Variants in ARHGAP10 observed in about 807,000 individuals in gnomAD.
The protein encoded by ARHGAP10 is rho GTPase-activating protein 10.
A neutral mutation model predicts 108.6 loss-of-function variants in ARHGAP10; 87 were observed. That is an observed-to-expected ratio of 0.80 (90% confidence interval 0.67 to 0.96). ARHGAP10 has a LOEUF of 0.96. Ranked by LOEUF, ARHGAP10 falls within the 40% of genes least tolerant of loss-of-function variation. ARHGAP10 has a pLI of 0.00. For synonymous variants in ARHGAP10, 347 were observed against 341.1 expected (o/e 1.02, Z -0.19); for missense variants, 939 against 954.5 (o/e 0.98, Z 0.21).
chr4:147,982,477 A>G (rs1040020986), intron 18 of ARHGAP10, among the ~76,000 whole-genome samples: 1 of 142,124 alleles, frequency 7.0e-6, no homozygotes, highest in South Asian at 2.2e-4. Context: ...GGCTCAGACA[A>G]CCCTCCCATG....
At chr4:148,067,862 T>C (rs1729966322) in intron 22 of ARHGAP10, among the ~76,000 whole-genome samples, 1 of 152,186 alleles carries the variant, frequency 6.6e-6, no homozygotes, top group Admixed American at 6.5e-5. Flanking sequence ...GTCCTTGTTC[T>C]TTGCTCTTAC....
chr4:147,894,313 A>T (rs578176442), intron 10 of ARHGAP10, among the ~76,000 whole-genome samples: 29 of 152,210 alleles, frequency 1.9e-4, no homozygotes, highest in African/African-American at 6.7e-4. Flanking sequence ...TTGACTAGAG[A>T]TGTTGAGCAC....
At chr4:147,771,499 T>TAA (rs1730080296) in intron 1 of ARHGAP10, among the ~76,000 whole-genome samples, 2 of 151,724 alleles carry the variant, frequency 1.3e-5, no homozygotes, top group African/African-American at 4.8e-5. Context: ...AATGTATGAT[T>TAA]ATTTTTGACT....
chr4:147,875,145 A>G lies in ARHGAP10; in HGVS notation c.827A>G (p.Glu276Gly). The G allele has an allele frequency of 1.3e-6, 2 of 1,573,932 alleles. No homozygotes were observed. Among genetic ancestry groups the G allele is most frequent in the Non-Finnish European group, 1.7e-6 (2 of 1,168,018 alleles). The change falls in exon 8 of 23, where the codon GAA becomes GGA. Residue 276 changes from glutamate to glycine, a missense_variant. By Grantham distance (98) the Glu-to-Gly change is moderately conservative (BLOSUM62 -2). Coordinates refer to ENST00000336498, the MANE Select transcript of ARHGAP10 (RefSeq NM_024605.4). ...FTAEGYLYVQ[E>G]KRPAPFGSSW... The stretch of plus-strand genomic sequence containing the variant: ...GCCGAAGGCTACCTGTATGTCCAGG[A>G]AAAAAGTAAGAGGCCCTCCAGCAGT...
intron 1 of ARHGAP10, among the ~76,000 whole-genome samples, chr4:147,761,368 G>C (rs1013535136): frequency 9.2e-5 from 14 of 152,114 alleles, no homozygotes; most frequent in Admixed American, 7.2e-4. Flanking sequence ...TCTTTTCTAG[G>C]TTTTTCTCCT....
At chr4:147,736,416 C>T (rs942598340) in intron 1 of ARHGAP10, among the ~76,000 whole-genome samples, 1 of 152,104 alleles carries the variant, frequency 6.6e-6, no homozygotes, top group African/African-American at 2.4e-5. Flanking sequence ...TTACATTAAA[C>T]CCACTGAGAT....
intron 18 of ARHGAP10, among the ~76,000 whole-genome samples, chr4:147,972,085 ATGG>A (rs1739433335): frequency 6.6e-6 from 1 of 152,206 alleles, no homozygotes; most frequent in Non-Finnish European, 1.5e-5. Context: ...AGTTTGTCAC[ATGG>A]TGAATTGTAG....
intron 19 of ARHGAP10, among the ~76,000 whole-genome samples, chr4:148,039,449 G>A (rs1381260698): frequency 3.3e-5 from 4 of 119,470 alleles, no homozygotes; most frequent in African/African-American, 6.3e-5. Flanking sequence ...CCACCACCAC[G>A]CCTGGCTAAT....
At chr4:147,899,931 C>G (rs1276531911) in intron 10 of ARHGAP10, among the ~76,000 whole-genome samples, 1 of 149,532 alleles carries the variant, frequency 6.7e-6, no homozygotes, top group East Asian at 2.0e-4. Context: ...TAGAATATTC[C>G]TGATTGTTAC....
chr4:147,911,774 A>G lies in ARHGAP10; in HGVS notation c.1163-1300A>G, dbSNP rs1459458499. Among the ~76,000 whole-genome samples the G allele has an allele frequency of 2.6e-5, 4 of 152,260 alleles. No individual in the cohort carries two copies. The East Asian group carries it at 7.7e-4, about 29-fold the overall frequency. On this transcript the variant is annotated intron_variant, in intron 12 of 22. Coordinates refer to ENST00000336498, the MANE Select transcript of ARHGAP10 (RefSeq NM_024605.4). ...AAAAAGTATAAAAATTATATTTCCA[A>G]AATAGTTTGCTCTGCCATATGAATC...
At chr4:147,982,906 A>G (rs1739874633) in intron 18 of ARHGAP10, among the ~76,000 whole-genome samples, 1 of 151,694 alleles carries the variant, frequency 6.6e-6, no homozygotes, top group African/African-American at 2.4e-5. Flanking sequence ...TTTTCGAGAC[A>G]GGGTCTTACT....
In ARHGAP10 at chr4:148,072,211, CAG is replaced by C; in HGVS notation, c.*131_*132del. 1.5e-6 allele frequency: 1 copy of C among 652,144 alleles called. No homozygotes were observed. Among genetic ancestry groups the C allele is most frequent in the Non-Finnish European group, 2.5e-6 (1 of 399,870 alleles). The allele number at this position is 652,144 out of a possible 1,614,324, so 40.4% of individuals were successfully genotyped here. ...CCACACTTGGGAGTTACCATCATCA[CAG>C]TCAGCCCTGGGGGTGGGGGGTGGTG... is the stretch of plus-strand genomic sequence containing the variant. On this transcript the variant is annotated 3_prime_UTR_variant, in exon 23 of 23. Transcript: ENST00000336498.
intron 7 of ARHGAP10, among the ~76,000 whole-genome samples, chr4:147,872,057 G>A (rs2126856590): frequency 6.9e-6 from 1 of 145,328 alleles, no homozygotes; most frequent in South Asian, 2.2e-4. Flanking sequence ...AACTGGGATT[G>A]TGTCACTTTA....
chr4:148,060,274 G>A lies in ARHGAP10; in HGVS notation c.2028-2874G>A, dbSNP rs1451689665. ...TTAGATGATATTTAAAAAATGTTTC[G>A]ATTCTTCTTATTAAAAAGTAACCCA... On this transcript the variant is annotated intron_variant, in intron 20 of 22. Coordinates refer to ENST00000336498, the MANE Select transcript of ARHGAP10 (RefSeq NM_024605.4). Among the ~76,000 whole-genome samples, 5 of 150,738 alleles carry A rather than the reference G, an allele frequency of 3.3e-5. No individual in the cohort carries two copies. In the South Asian group the frequency reaches 6.3e-4, roughly 19 times the overall value.
intron 1 of ARHGAP10, among the ~76,000 whole-genome samples, chr4:147,737,326 CTT>C (rs5862810): frequency 1.4e-4 from 19 of 133,014 alleles, no homozygotes; most frequent in Non-Finnish European, 2.3e-4. Flanking sequence ...AATTTTTGTA[CTT>C]TTTTTTTTTT....
chr4:147,877,395 CATCT>C (rs1465164593), intron 8 of ARHGAP10, among the ~76,000 whole-genome samples: 3 of 152,128 alleles, frequency 2.0e-5, no homozygotes, highest in Non-Finnish European at 4.4e-5. Context: ...TAACCCTTTT[CATCT>C]ATTACCCCTG....
intron 18 of ARHGAP10, among the ~76,000 whole-genome samples, chr4:148,005,142 C>T (rs1045009868): frequency 9.9e-5 from 15 of 152,214 alleles, no homozygotes; most frequent in Non-Finnish European, 1.9e-4. Context: ...ATGCTAGGCA[C>T]ATTTATGCCT....
At chr4:147,894,443 A>G (rs1248668798) in intron 10 of ARHGAP10, among the ~76,000 whole-genome samples, 1 of 152,214 alleles carries the variant, frequency 6.6e-6, no homozygotes, top group Non-Finnish European at 1.5e-5. Context: ...GGAATTATTT[A>G]GAAACAAATC....
At position 148,050,573 on chromosome 4, in the gene ARHGAP10, C is replaced by G. The variant is rs549249675; in HGVS notation, c.2027+3522C>G. On this transcript the variant is annotated intron_variant, in intron 20 of 22. Coordinates refer to ENST00000336498, the MANE Select transcript of ARHGAP10 (RefSeq NM_024605.4). ...TGTTTTTAGTAGAGACGGGGTTTCACTGCGTTAGCCAGGATGGTCTCGATC... is the reference window on the plus strand; with the variant it reads ...TGTTTTTAGTAGAGACGGGGTTTCAGTGCGTTAGCCAGGATGGTCTCGATC... Among the ~76,000 whole-genome samples the G allele has an allele frequency of 1.5e-4, 23 of 151,888 alleles. No homozygotes were observed. The South Asian group carries it at 4.4e-3, about 29-fold the overall frequency.
Sources: gnomAD v4.1 joint callset for allele counts (sites outside exome capture counted in the v4.1 genomes callset) on GRCh38, gnomAD v4.1.1 for gene constraint, MANE v1.5 for transcripts, NCBI Gene and HGNC (gene_info 2026-07-23, HGNC 2026-07-21) for gene names.